Variants in STAG1 observed in about 807,000 individuals in gnomAD.
STAG1 encodes the protein cohesin subunit SA-1.
STAG1 carries 26 observed loss-of-function variants against 170.9 expected under a neutral mutation model. The ratio of observed to expected loss-of-function variants is 0.15; its 90% CI spans 0.11 to 0.21. The LOEUF (loss-of-function observed/expected upper bound fraction) is 0.21. Among genes scored for constraint, STAG1 ranks in the 10% least tolerant of loss-of-function variants. The pLI, the probability that STAG1 is intolerant of heterozygous loss-of-function variation, is 1.00. For missense variants in STAG1, 964 were observed against 1,509.5 expected (o/e 0.64, Z 5.99); for synonymous variants, 514 against 497.7 (o/e 1.03, Z -0.44).
At chr3:136,705,378 AACACACACACACACACACACACAC>A (rs3066789) in intron 1 of STAG1, among the ~76,000 whole-genome samples, 18 of 143,296 alleles carry the variant, frequency 1.3e-4, no homozygotes, top group African/African-American at 3.9e-4. Context: ...ATGATCATCA[AACACACACACACACACACACACAC>A]ACACACACAC....
chr3:136,647,438 G>A (rs983403560), intron 1 of STAG1, among the ~76,000 whole-genome samples: 4 of 152,002 alleles, frequency 2.6e-5, no homozygotes, highest in Non-Finnish European at 4.4e-5. Context: ...GCCTGGTAGC[G>A]CTAGCCTGTA....
At chr3:136,388,909 A>G (rs2086934554) in intron 22 of STAG1, among the ~76,000 whole-genome samples, 1 of 152,154 alleles carries the variant, frequency 6.6e-6, no homozygotes, top group Non-Finnish European at 1.5e-5. Flanking sequence ...GGAAATCTCA[A>G]ATCTCTGTAC....
chr3:136,419,561 T>C (rs965655321), intron 20 of STAG1, among the ~76,000 whole-genome samples: 3 of 151,578 alleles, frequency 2.0e-5, no homozygotes, highest in Non-Finnish European at 4.4e-5. Context: ...TCTCGTGCCA[T>C]AGCCCCAAGA....
chr3:136,750,017 A>G (rs768336360), intron 1 of STAG1, among the ~76,000 whole-genome samples: 1 of 152,076 alleles, frequency 6.6e-6, no homozygotes, highest in Non-Finnish European at 1.5e-5. Flanking sequence ...CCCAGAGTAC[A>G]TTATTTCTTC....
intron 27 of STAG1, among the ~76,000 whole-genome samples, chr3:136,358,721 C>T (rs1239437888): frequency 2.6e-5 from 4 of 152,060 alleles, no homozygotes; most frequent in African/African-American, 9.7e-5. Flanking sequence ...ACTGCAGGCA[C>T]ATGCCACTAT....
At chr3:136,582,182 C>T (rs1229454525) in intron 4 of STAG1, among the ~76,000 whole-genome samples, 1 of 124,326 alleles carries the variant, frequency 8.0e-6, no homozygotes, top group Non-Finnish European at 1.6e-5. Context: ...ACATTTAATC[C>T]TGCTTTGTTT....
chr3:136,392,379 C>G (rs2087032164), intron 22 of STAG1, among the ~76,000 whole-genome samples: 1 of 151,882 alleles, frequency 6.6e-6, no homozygotes, highest in Non-Finnish European at 1.5e-5. Context: ...TTCTTAATAA[C>G]TGAAGAAAAT....
At chr3:136,628,771 CATGTT>C (rs1253617616) in intron 2 of STAG1, among the ~76,000 whole-genome samples, 30 of 152,234 alleles carry the variant, frequency 2.0e-4, no homozygotes, top group Middle Eastern at 6.3e-3. Flanking sequence ...GTCTGCTCTA[CATGTT>C]ATATCTACCC....
chr3:136,407,121 G>T (rs1405597159), intron 21 of STAG1, among the ~76,000 whole-genome samples: 1 of 152,162 alleles, frequency 6.6e-6, no homozygotes, highest in Non-Finnish European at 1.5e-5. Context: ...CGGCCTCTGG[G>T]GTTCAAGCGA....
intron 1 of STAG1, among the ~76,000 whole-genome samples, chr3:136,733,892 G>A (rs971355141): frequency 6.6e-6 from 1 of 152,130 alleles, no homozygotes; most frequent in Non-Finnish European, 1.5e-5. Flanking sequence ...CGGATCACAA[G>A]GTCAGGAGAT....
intron 4 of STAG1, among the ~76,000 whole-genome samples, chr3:136,600,080 T>C (rs540448872): frequency 2.6e-5 from 4 of 152,370 alleles, no homozygotes; most frequent in Non-Finnish European, 4.4e-5. Flanking sequence ...ATAAGAATTA[T>C]GTCCATCTTC....
chr3:136,433,707 A>G (rs766290253), intron 15 of STAG1, 48 bp from the exon 16 acceptor site: 19 of 1,262,466 alleles, frequency 1.5e-5, no homozygotes, highest in Non-Finnish European at 2.1e-5. Flanking sequence ...TTTTACAACA[A>G]CCATGTATTA....
At chr3:136,430,909 CT>C (rs35271419) in intron 16 of STAG1, among the ~76,000 whole-genome samples, 113 of 140,370 alleles carry the variant, frequency 8.1e-4, no homozygotes, top group African/African-American at 1.6e-3. Context: ...TACATTCTTC[CT>C]TTTTTTTTTT....
chr3:136,393,583 G>A (rs1015052060), intron 22 of STAG1, among the ~76,000 whole-genome samples: 2 of 148,850 alleles, frequency 1.3e-5, no homozygotes, highest in Admixed American at 6.7e-5. Flanking sequence ...CCCTTCCTAC[G>A]CTTCATCTTT....
In STAG1 at chr3:136,463,788, CACATAT is replaced by C. The variant is rs528363731; in HGVS notation, c.1313+1087_1313+1092del. ...GTGTGTATACACACACACACACACA[CACATAT>C]ACATATACATACATATATACACATA... On this transcript the variant is annotated intron_variant, in intron 13 of 33. Coordinates refer to ENST00000383202, the MANE Select transcript of STAG1 (RefSeq NM_005862.3). Among the ~76,000 whole-genome samples the C allele has an allele frequency of 4.5e-3, 586 of 129,538 alleles. 3 individuals carry two copies. The highest frequency in any genetic ancestry group is 8.0e-3 in the South Asian group (32 of 3,992). The allele number at this position is 129,538 out of a possible 152,430, so 85.0% of individuals were successfully genotyped here. A position where few individuals can be genotyped will look rare whatever the true frequency, so the allele number is the denominator to read the frequency against.
At chr3:136,603,862 G>C (rs1292540257) in intron 4 of STAG1, among the ~76,000 whole-genome samples, 1 of 152,016 alleles carries the variant, frequency 6.6e-6, no homozygotes, top group African/African-American at 2.4e-5. Context: ...ACTCCAGCCT[G>C]GGCAACAGAG....
intron 4 of STAG1, among the ~76,000 whole-genome samples, chr3:136,589,888 G>A (rs1026460330): frequency 6.6e-6 from 1 of 152,092 alleles, no homozygotes; most frequent in Non-Finnish European, 1.5e-5. Flanking sequence ...CCGAGATCGA[G>A]CCACTGCACT....
chr3:136,528,080 C>T (rs1025273533), intron 6 of STAG1, among the ~76,000 whole-genome samples: 5 of 152,154 alleles, frequency 3.3e-5, no homozygotes, highest in African/African-American at 7.2e-5. Flanking sequence ...TCTCAAACTC[C>T]GTGCTGGGAG....
intron 23 of STAG1, 129 bp downstream of exon 23, chr3:136,377,531 T>C: frequency 1.5e-6 from 1 of 663,952 alleles, no homozygotes; most frequent in Non-Finnish European, 2.6e-6. Flanking sequence ...TCTACAGTCT[T>C]GTTCCAGGTC....
Sources: allele counts gnomAD v4.1 joint callset (sites outside exome capture counted in the v4.1 genomes callset), GRCh38; gene constraint gnomAD v4.1.1; transcripts MANE v1.5; gene names NCBI Gene and HGNC (gene_info 2026-07-23, HGNC 2026-07-21).